The following PRDM16 variants were observed in gnomAD, a reference collection of about 807,000 sequenced individuals.
The protein encoded by PRDM16 is histone-lysine N-methyltransferase PRDM16.
In PRDM16, 23 loss-of-function variants were observed where a neutral mutation model predicts 110.6. The ratio of observed to expected loss-of-function variants is 0.21; its 90% CI spans 0.15 to 0.29. The LOEUF (loss-of-function observed/expected upper bound fraction) is 0.29. Among genes scored for constraint, PRDM16 ranks in the 10% least tolerant of loss-of-function variants. The pLI is 1.00. For missense variants in PRDM16, 1,615 were observed against 1,794.3 expected (o/e 0.90, Z 1.81); for synonymous variants, 799 against 781.8 (o/e 1.02, Z -0.37).
At chr1:3,300,728 T>C (rs1456210310) in intron 3 of PRDM16, among the ~76,000 whole-genome samples, 2 of 152,236 alleles carry the variant, frequency 1.3e-5, no homozygotes, top group Admixed American at 1.3e-4. Context: ...TTATTTGTCT[T>C]TTCCACCTTG....
At chr1:3,409,295 C>T (rs1211251069) in intron 8 of PRDM16, among the ~76,000 whole-genome samples, 1 of 151,842 alleles carries the variant, frequency 6.6e-6, no homozygotes, top group Non-Finnish European at 1.5e-5. Context: ...AGTGCCTCCC[C>T]GAGGGCCAGG....
chr1:3,174,570 G>T (rs955693464), intron 1 of PRDM16, among the ~76,000 whole-genome samples: 6 of 152,178 alleles, frequency 3.9e-5, no homozygotes, highest in Non-Finnish European at 7.3e-5. Context: ...AGGCAGCACT[G>T]TGGACTGTCC....
intron 12 of PRDM16, among the ~76,000 whole-genome samples, chr1:3,420,194 C>T (rs1484306819): frequency 1.3e-5 from 2 of 152,192 alleles, no homozygotes; most frequent in Non-Finnish European, 2.9e-5. Flanking sequence ...GTTTGTGTTG[C>T]AAATCCTGAC....
chr1:3,433,642 C>G (rs1223261679), intron 16 of PRDM16, 35 bp from the exon 17 acceptor site: 1 of 1,602,254 alleles, frequency 6.2e-7, no homozygotes, highest in East Asian at 2.2e-5. Flanking sequence ...CGCTCACCTG[C>G]CTGTCCTGTG....
intron 1 of PRDM16, among the ~76,000 whole-genome samples, chr1:3,136,760 C>T (rs1223269097): frequency 6.6e-6 from 1 of 152,182 alleles, no homozygotes; most frequent in Non-Finnish European, 1.5e-5. Context: ...GCTGCAGGCA[C>T]CCCCACTCCA....
At chr1:3,159,428 G>C (rs1643882163) in intron 1 of PRDM16, among the ~76,000 whole-genome samples, 1 of 152,234 alleles carries the variant, frequency 6.6e-6, no homozygotes, top group Non-Finnish European at 1.5e-5. Flanking sequence ...TTGGCTCATA[G>C]ATGGCATCTC....
Position 3,390,409 on chromosome 1 carries a change from G to A in PRDM16, c.573+5123G>A, listed in dbSNP as rs1380472700. Among the ~76,000 whole-genome samples the A allele has an allele frequency of 6.6e-6, 1 of 152,168 alleles. No homozygotes were observed. Among genetic ancestry groups the A allele is most frequent in the African/African-American group, 2.4e-5 (1 of 41,452 alleles). The stretch of plus-strand genomic sequence containing the variant: ...AAACGACCTGTAGCACCCCTGGATT[G>A]AGAGAAGCAGCCCCAATCTGCATAG... On this transcript the variant is annotated intron_variant, in intron 4 of 16. Coordinates refer to ENST00000270722, the MANE Select transcript of PRDM16 (RefSeq NM_022114.4). The surrounding 1 kb of genome is among the most constrained non-coding windows in gnomAD (Gnocchi z 5.0).
At chr1:3,079,168 C>G (rs1459325164) in intron 1 of PRDM16, among the ~76,000 whole-genome samples, 2 of 152,238 alleles carry the variant, frequency 1.3e-5, no homozygotes, top group Non-Finnish European at 1.5e-5. Flanking sequence ...CCGCCGCTGC[C>G]CGGGCCTGTT....
intron 8 of PRDM16, among the ~76,000 whole-genome samples, chr1:3,409,776 T>C (rs1377614042): frequency 7.1e-6 from 1 of 140,094 alleles, no homozygotes; most frequent in African/African-American, 2.7e-5. Flanking sequence ...TGTGGTTGTG[T>C]GTGGGTGTGT....
At chr1:3,408,831 C>T (rs1314056874) in intron 8 of PRDM16, among the ~76,000 whole-genome samples, 4 of 121,326 alleles carry the variant, frequency 3.3e-5, no homozygotes, top group East Asian at 5.2e-4. Flanking sequence ...TGAGCTGGTG[C>T]GTGTGTTGGA....
intron 2 of PRDM16, among the ~76,000 whole-genome samples, chr1:3,241,289 C>T (rs906165028): frequency 1.3e-5 from 2 of 152,232 alleles, no homozygotes; most frequent in African/African-American, 4.8e-5. Context: ...TGCAGGGCAG[C>T]TGGGGGGGCT....
chr1:3,401,073 G>A (rs940514342), intron 5 of PRDM16, among the ~76,000 whole-genome samples: 5 of 152,184 alleles, frequency 3.3e-5, no homozygotes, highest in Admixed American at 2.0e-4. Context: ...CAGGGAGCCA[G>A]GCTCTGAGGA....
At position 3,143,166 on chromosome 1, in the gene PRDM16, C is replaced by CG. The variant is rs1213539690; in HGVS notation, c.38-42953dup. Among the ~76,000 whole-genome samples the CG allele has an allele frequency of 1.3e-5, 2 of 152,112 alleles. No homozygotes were observed. Among genetic ancestry groups the CG allele is most frequent in the African/African-American group, 2.4e-5 (1 of 41,416 alleles). ...CCTTGTGGCAACCGCAGTGCTGGGC[C>CG]GGGGGGAGTCGCTGGTTTGCAGCCC... On this transcript the variant is annotated intron_variant, in intron 1 of 16. Transcript: ENST00000270722. The surrounding 1 kb of genome is among the most constrained non-coding windows in gnomAD (Gnocchi z 4.5).
chr1:3,420,712 G>C (rs560102042), intron 12 of PRDM16, among the ~76,000 whole-genome samples: 1 of 151,790 alleles, frequency 6.6e-6, no homozygotes, highest in Middle Eastern at 3.4e-3. Flanking sequence ...TGAGTGAAGC[G>C]GGAAGGTGAG....
At chr1:3,333,950 C>T (rs188374899) in intron 3 of PRDM16, among the ~76,000 whole-genome samples, 1 of 152,300 alleles carries the variant, frequency 6.6e-6, no homozygotes, top group East Asian at 1.9e-4. Context: ...GATGCTGGTG[C>T]CATGCTTATA....
At chr1:3,094,239 G>T (rs551398128) in intron 1 of PRDM16, among the ~76,000 whole-genome samples, 1 of 152,214 alleles carries the variant, frequency 6.6e-6, no homozygotes, top group Admixed American at 6.5e-5. Context: ...GCACGGGGGC[G>T]CACAGGCAGC....
intron 1 of PRDM16, among the ~76,000 whole-genome samples, chr1:3,114,179 A>ACACG (rs879632119): frequency 0.14 from 9,469 of 69,732 alleles, 407 homozygotes; most frequent in African/African-American, 0.26. Context: ...ACACACGCAC[A>ACACG]CACACGCACA....
At chr1:3,256,543 T>C (rs1333813045) in intron 3 of PRDM16, among the ~76,000 whole-genome samples, 1 of 152,212 alleles carries the variant, frequency 6.6e-6, no homozygotes, top group Admixed American at 6.5e-5. Flanking sequence ...TGTTTTCCTA[T>C]GCACCTGTCA....
chr1:3,286,831 G>A (rs535674991), intron 3 of PRDM16, among the ~76,000 whole-genome samples: 2 of 152,200 alleles, frequency 1.3e-5, no homozygotes, highest in South Asian at 4.1e-4. Context: ...GCAAGAGGAT[G>A]GAAAGCATGG....
Sources: gnomAD v4.1 joint callset for allele counts (sites outside exome capture counted in the v4.1 genomes callset) on GRCh38, gnomAD v4.1.1 for gene constraint, Gnocchi (gnomAD v3.1) non-coding constraint, MANE v1.5 for transcripts, NCBI Gene and HGNC (gene_info 2026-07-23, HGNC 2026-07-21) for gene names.